SLC39A11: variants seen among roughly 807,000 people sequenced by gnomAD.
The protein encoded by SLC39A11 is solute carrier family 39 member 11.
SLC39A11 carries 33 observed loss-of-function variants against 36.1 expected under a neutral mutation model. The ratio of observed to expected loss-of-function variants is 0.91; its 90% CI spans 0.69 to 1.22. The LOEUF (loss-of-function observed/expected upper bound fraction) is 1.22, where lower values mean the gene tolerates loss of function less well. SLC39A11 is among the 50% of genes most tolerant of loss of function. SLC39A11 has a pLI of 0.00. For synonymous variants in SLC39A11, 166 were observed against 170.3 expected (o/e 0.97, Z 0.20); for missense variants, 432 against 430.3 (o/e 1.00, Z -0.03).
rs11332921 is a variant in SLC39A11, at chr17:72,882,360, T to TA, written c.431-32557dup. ...ATCAGAATGTACATATTCCTATATC[T>TA]AAAAAAAAAAAAAAAAAAAATGCTC... On this transcript the variant is annotated intron_variant, in intron 5 of 9. Transcript: ENST00000255559. Among the ~76,000 whole-genome samples the TA allele has an allele frequency of 1.1e-3, 141 of 126,248 alleles. 1 individual carries two copies. In the Middle Eastern group the frequency reaches 0.012, roughly 10 times the overall value. The allele number at this position is 126,248 out of a possible 152,430, so 82.8% of individuals were successfully genotyped here.
chr17:73,024,864 A>ATTTTTTTTTTTTTTT (rs1163840820), intron 4 of SLC39A11, among the ~76,000 whole-genome samples: 71 of 97,838 alleles, frequency 7.3e-4, no homozygotes, highest in Non-Finnish European at 1.0e-3. Context: ...TGCCCAGCTA[A>ATTTTTTTTTTTTTTT]TTTTTTTTTT....
intron 7 of SLC39A11, among the ~76,000 whole-genome samples, chr17:72,711,386 T>C (rs1161714945): frequency 4.6e-5 from 7 of 152,138 alleles, no homozygotes. Flanking sequence ...TCCCTCTGCC[T>C]CCATCCCACT....
At chr17:72,800,187 C>T (rs1030067036) in intron 6 of SLC39A11, among the ~76,000 whole-genome samples, 1 of 151,894 alleles carries the variant, frequency 6.6e-6, no homozygotes, top group Admixed American at 6.6e-5. Context: ...ATCCCTGAGG[C>T]AGGAGGAATA....
intron 7 of SLC39A11, among the ~76,000 whole-genome samples, chr17:72,667,514 T>C (rs1455749758): frequency 2.6e-5 from 4 of 152,218 alleles, no homozygotes; most frequent in African/African-American, 4.8e-5. Context: ...CCAGTATGGA[T>C]GGCTGAGGGC....
intron 5 of SLC39A11, among the ~76,000 whole-genome samples, chr17:72,888,873 A>T (rs2081576008): frequency 6.6e-6 from 1 of 151,996 alleles, no homozygotes; most frequent in Non-Finnish European, 1.5e-5. Context: ...CTACACTCCA[A>T]TCTGTGTGGT....
chr17:72,808,804 C>T (rs1169461429), intron 6 of SLC39A11, among the ~76,000 whole-genome samples: 7 of 152,108 alleles, frequency 4.6e-5, no homozygotes, highest in South Asian at 2.1e-4. Flanking sequence ...CACCCAGAGT[C>T]GGACTCAGCA....
At chr17:73,083,866 T>C (rs1429229492) in intron 3 of SLC39A11, among the ~76,000 whole-genome samples, 1 of 152,252 alleles carries the variant, frequency 6.6e-6, no homozygotes, top group African/African-American at 2.4e-5. Flanking sequence ...ATGGACTGGA[T>C]GTTAGATCAT....
intron 7 of SLC39A11, among the ~76,000 whole-genome samples, chr17:72,708,962 G>C (rs1339720142): frequency 2.0e-5 from 3 of 149,904 alleles, no homozygotes; most frequent in South Asian, 4.2e-4. Context: ...TTGAGACGGA[G>C]TCTCGCGCTG....
intron 6 of SLC39A11, among the ~76,000 whole-genome samples, chr17:72,842,383 C>A (rs1381800322): frequency 6.6e-6 from 1 of 152,130 alleles, no homozygotes; most frequent in Non-Finnish European, 1.5e-5. Flanking sequence ...TTACCACAAT[C>A]CCCTAAATTT....
intron 5 of SLC39A11, among the ~76,000 whole-genome samples, chr17:72,852,158 T>C (rs1368860071): frequency 1.7e-5 from 2 of 116,734 alleles, no homozygotes; most frequent in African/African-American, 3.4e-5. Context: ...TGACCCGAGA[T>C]CCCGCGGCTG....
intron 7 of SLC39A11, among the ~76,000 whole-genome samples, chr17:72,704,293 C>T (rs974694221): frequency 3.9e-5 from 6 of 152,144 alleles, no homozygotes; most frequent in Admixed American, 1.3e-4. Context: ...ACAGAGATCT[C>T]GATTCACTTG....
At chr17:72,719,716 C>T (rs2073573200) in intron 7 of SLC39A11, among the ~76,000 whole-genome samples, 4 of 152,320 alleles carry the variant, frequency 2.6e-5, no homozygotes, top group African/African-American at 9.6e-5. Flanking sequence ...GCCCTCCCTC[C>T]CCCAAGGTCT....
chr17:72,695,601 T>C (rs1413694894), intron 7 of SLC39A11, among the ~76,000 whole-genome samples: 5 of 151,278 alleles, frequency 3.3e-5, no homozygotes, highest in African/African-American at 1.2e-4. Flanking sequence ...AACCTAGGAA[T>C]ATGATTTATT....
At chr17:73,045,597 C>T (rs989381327) in intron 3 of SLC39A11, among the ~76,000 whole-genome samples, 1 of 152,082 alleles carries the variant, frequency 6.6e-6, no homozygotes, top group African/African-American at 2.4e-5. Flanking sequence ...AGTCTAATAA[C>T]GCTTAGGCTT....
At chr17:72,704,632 A>G (rs747681292) in intron 7 of SLC39A11, among the ~76,000 whole-genome samples, 23 of 152,220 alleles carry the variant, frequency 1.5e-4, no homozygotes, top group Admixed American at 1.0e-3. Context: ...TGTGCATTTT[A>G]TCCACAAACC....
At chr17:73,067,283 T>G (rs1024202323) in intron 3 of SLC39A11, among the ~76,000 whole-genome samples, 1 of 152,230 alleles carries the variant, frequency 6.6e-6, no homozygotes, top group Non-Finnish European at 1.5e-5. Context: ...TTGTGGCCAA[T>G]GAAATGTAAG....
At position 73,057,418 on chromosome 17, in the gene SLC39A11, G is replaced by A. The variant is rs540469462; in HGVS notation, c.148-25704C>T. ...TTTATGTTGACTGACAATTCTGACC[G>A]CACCTTTTCTCTATCTTTCTATCCT... On this transcript the variant is annotated intron_variant, in intron 3 of 9. Coordinates refer to ENST00000255559, the MANE Select transcript of SLC39A11 (RefSeq NM_139177.4). 1.4e-4 allele frequency among the ~76,000 whole-genome samples: 21 copies of A among 152,234 alleles called. 1 individual carries two copies. The South Asian group carries it at 2.7e-3, about 20-fold the overall frequency.
At chr17:72,818,925 A>G (rs72847913) in intron 6 of SLC39A11, 1 of 152,184 alleles carries the variant, frequency 6.6e-6, no homozygotes, top group African/African-American at 2.4e-5. Context: ...GACATTTACA[A>G]AAAGTTATCT....
chr17:72,980,220 C>T (rs749667969), intron 4 of SLC39A11, among the ~76,000 whole-genome samples: 13 of 152,104 alleles, frequency 8.5e-5, no homozygotes, highest in Non-Finnish European at 1.5e-4. Context: ...TTAGTGGTGG[C>T]TCAAGACAAA....
Sources: allele counts gnomAD v4.1 joint callset (sites outside exome capture counted in the v4.1 genomes callset), GRCh38; gene constraint gnomAD v4.1.1; transcripts MANE v1.5; gene names NCBI Gene and HGNC (gene_info 2026-07-23, HGNC 2026-07-21).